The following ELMO1 variants were observed in gnomAD, a reference collection of about 807,000 sequenced individuals.
ELMO1 encodes engulfment and cell motility protein 1.
In ELMO1, 26 loss-of-function variants were observed where a neutral mutation model predicts 98.9. That is an observed-to-expected ratio of 0.26 (90% confidence interval 0.19 to 0.36). The LOEUF (loss-of-function observed/expected upper bound fraction) is 0.36. ELMO1 is among the 10% of genes least tolerant of loss of function. ELMO1 has a pLI of 1.00. For missense variants in ELMO1, 627 were observed against 935.2 expected (o/e 0.67, Z 4.30); for synonymous variants, 346 against 346.0 (o/e 1.00, Z 0.00).
At chr7:36,954,851 T>C (rs538920027) in intron 16 of ELMO1, among the ~76,000 whole-genome samples, 1 of 152,320 alleles carries the variant, frequency 6.6e-6, no homozygotes, top group South Asian at 2.1e-4. Context: ...CCTAATCACA[T>C]TAAATTAGGA....
rs933987169 is a variant in ELMO1 at position 36,855,351 on chromosome 7, G to A, written c.*200C>T. ...GGAAGTGACCTGAAGCAGTGGAGCC[G>A]AGGAACAGAATCAGGGCGGTGAGCA... On this transcript the variant is annotated 3_prime_UTR_variant, in exon 22 of 22. Coordinates refer to ENST00000310758, the MANE Select transcript of ELMO1 (RefSeq NM_014800.11). This position sits in a 1 kb window ranked among gnomAD's most constrained non-coding sequence, Gnocchi z 4.2. 9.4e-5 allele frequency: 59 copies of A among 625,904 alleles called. No homozygotes were observed. The highest frequency in any genetic ancestry group is 6.0e-4 in the South Asian group (31 of 51,562). The allele number at this position is 625,904 out of a possible 1,614,324, so 38.8% of individuals were successfully genotyped here.
intron 16 of ELMO1, among the ~76,000 whole-genome samples, chr7:36,946,269 G>A (rs950714321): frequency 2.6e-5 from 4 of 152,222 alleles, no homozygotes; most frequent in South Asian, 2.1e-4. Flanking sequence ...TTAGCCTGCT[G>A]TTTCCCTGTC....
At chr7:37,417,312 G>A (rs570590803) in intron 1 of ELMO1, among the ~76,000 whole-genome samples, 217 of 152,232 alleles carry the variant, frequency 1.4e-3, no homozygotes, top group African/African-American at 4.6e-3. Context: ...ATTTGGGCAG[G>A]TGCTAACCCA....
chr7:37,030,940 A>T (rs1199812163), intron 15 of ELMO1, among the ~76,000 whole-genome samples: 1 of 152,324 alleles, frequency 6.6e-6, no homozygotes, highest in East Asian at 1.9e-4. Context: ...GCCACCTCAA[A>T]GTCAAAATTG....
At chr7:36,972,059 T>C (rs1790011134) in intron 16 of ELMO1, among the ~76,000 whole-genome samples, 1 of 152,180 alleles carries the variant, frequency 6.6e-6, no homozygotes. Context: ...ACAATGGCAA[T>C]GAACGTTTCA....
At chr7:36,904,787 T>C (rs558468591) in intron 16 of ELMO1, among the ~76,000 whole-genome samples, 25 of 152,264 alleles carry the variant, frequency 1.6e-4, no homozygotes, top group African/African-American at 4.6e-4. Context: ...AAGGTGAGGT[T>C]TGGGGTCGTC....
At chr7:37,026,247 C>A (rs148716017) in intron 15 of ELMO1, among the ~76,000 whole-genome samples, 530 of 152,252 alleles carry the variant, frequency 3.5e-3, no homozygotes, top group Non-Finnish European at 5.6e-3. Context: ...GCTGGGATGT[C>A]CCTCACTGAA....
intron 15 of ELMO1, among the ~76,000 whole-genome samples, chr7:37,022,283 A>T (rs2129180091): frequency 6.6e-6 from 1 of 152,346 alleles, no homozygotes; most frequent in South Asian, 2.1e-4. Context: ...TTGTCAAAAT[A>T]TACAATAAAA....
At chr7:37,114,848 AAAC>A (rs1785477896) in intron 14 of ELMO1, among the ~76,000 whole-genome samples, 1 of 152,152 alleles carries the variant, frequency 6.6e-6, no homozygotes, top group African/African-American at 2.4e-5. Flanking sequence ...AGATCAATAA[AAAC>A]AACAAATCTC....
chr7:36,893,332 T>C (rs574826853), intron 17 of ELMO1, among the ~76,000 whole-genome samples: 2 of 152,300 alleles, frequency 1.3e-5, no homozygotes, highest in East Asian at 3.9e-4. Context: ...CCAAAGTGCA[T>C]CCTGCTTGGT....
Position 37,225,008 on chromosome 7 carries a change from G to A in ELMO1, c.572C>T (p.Ser191Leu), listed in dbSNP as rs778875567. ...IKKIASFVNK[S>L]AIDISILQRS... ...CTGCAGGATCGAGATGTCTATGGCT[G>A]ACTTGTTCACAAAACTTGCTATCTG... Residue 191 changes from serine (S) to leucine (L), a missense_variant, in exon 9 of 22, where the codon TCA becomes TTA. Ser to Leu is a moderately radical substitution (Grantham distance 145, BLOSUM62 -2). Transcript: ENST00000310758. 1 of 1,614,046 alleles carries A rather than the reference G, an allele frequency of 6.2e-7. No individual in the cohort carries two copies. Among genetic ancestry groups the A allele is most frequent in the Admixed American group, 1.7e-5 (1 of 60,014 alleles).
chr7:37,386,930 G>A (rs954114865), intron 1 of ELMO1, among the ~76,000 whole-genome samples: 1 of 152,186 alleles, frequency 6.6e-6, no homozygotes, highest in African/African-American at 2.4e-5. Context: ...CACTCCCAGA[G>A]AGTCTCAATT....
chr7:37,074,673 G>A (rs1037374955), intron 15 of ELMO1, among the ~76,000 whole-genome samples: 2 of 152,218 alleles, frequency 1.3e-5, no homozygotes, highest in African/African-American at 2.4e-5. Flanking sequence ...CCAGAGTTTT[G>A]TGTGGTGGTG....
intron 4 of ELMO1, among the ~76,000 whole-genome samples, chr7:37,280,883 A>C (rs953425353): frequency 1.3e-5 from 2 of 151,628 alleles, no homozygotes; most frequent in Non-Finnish European, 2.9e-5. Context: ...TCATTATTCA[A>C]AAAAAGATAC....
intron 16 of ELMO1, among the ~76,000 whole-genome samples, chr7:36,901,100 A>C (rs559860921): frequency 6.6e-6 from 1 of 152,318 alleles, no homozygotes; most frequent in South Asian, 2.1e-4. Flanking sequence ...TGGTAGGGAC[A>C]ATTATTGATC....
chr7:37,047,649 C>T (rs947277159), intron 15 of ELMO1, among the ~76,000 whole-genome samples: 3 of 152,188 alleles, frequency 2.0e-5, no homozygotes, highest in Non-Finnish European at 4.4e-5. Flanking sequence ...TAAAGCGTAA[C>T]CATGGCTTGT....
chr7:36,970,748 A>T (rs564182965), intron 16 of ELMO1, among the ~76,000 whole-genome samples: 1 of 152,332 alleles, frequency 6.6e-6, no homozygotes, highest in South Asian at 2.1e-4. Context: ...CAATGCAAGA[A>T]CAAAACACAA....
intron 16 of ELMO1, among the ~76,000 whole-genome samples, chr7:36,915,100 T>C (rs972791769): frequency 5.3e-5 from 8 of 152,070 alleles, no homozygotes; most frequent in Non-Finnish European, 1.0e-4. Context: ...AAAAAATATA[T>C]ATACTTTAAG....
chr7:36,959,629 T>C (rs992555250), intron 16 of ELMO1, among the ~76,000 whole-genome samples: 1 of 152,168 alleles, frequency 6.6e-6, no homozygotes, highest in Admixed American at 6.5e-5. Flanking sequence ...CCAGAAGCAA[T>C]GCAATTGTCT....
Sources: allele counts gnomAD v4.1 joint callset (sites outside exome capture counted in the v4.1 genomes callset), GRCh38; gene constraint gnomAD v4.1.1; non-coding constraint Gnocchi (gnomAD v3.1); transcripts MANE v1.5; gene names NCBI Gene and HGNC (gene_info 2026-07-23, HGNC 2026-07-21).